Variants in ENOX1 observed in about 807,000 individuals in gnomAD.
The protein encoded by ENOX1 is candidate growth-related and time keeping constitutive hydroquinone (NADH) oxidase.
In ENOX1, 42 loss-of-function variants were observed where a neutral mutation model predicts 82.5. The observed-to-expected ratio is 0.51, with a 90% CI of 0.40 to 0.66. ENOX1 has a LOEUF of 0.66. ENOX1 is among the 30% of genes least tolerant of loss of function. The probability of loss-of-function intolerance (pLI) is 0.00; values close to 1 mark genes in which losing one functional copy is unlikely to be tolerated. For synonymous variants in ENOX1, 271 were observed against 282.2 expected (o/e 0.96, Z 0.40); for missense variants, 608 against 811.6 (o/e 0.75, Z 3.05).
At chr13:43,239,426 A>C (rs2042708335) in intron 14 of ENOX1, among the ~76,000 whole-genome samples, 1 of 152,222 alleles carries the variant, frequency 6.6e-6, no homozygotes, top group Admixed American at 6.5e-5. Context: ...GAAGTGGTAC[A>C]GTATCATTGA....
At chr13:43,370,926 T>TC (rs1206208788) in intron 5 of ENOX1, among the ~76,000 whole-genome samples, 1 of 141,942 alleles carries the variant, frequency 7.0e-6, no homozygotes, top group East Asian at 2.1e-4. Flanking sequence ...CTGCCCTTCC[T>TC]CCCTCCGCCT....
At chr13:43,376,725 T>A (rs935769370) in intron 5 of ENOX1, among the ~76,000 whole-genome samples, 1 of 152,204 alleles carries the variant, frequency 6.6e-6, no homozygotes, top group Non-Finnish European at 1.5e-5. Flanking sequence ...TCAGGTCCTA[T>A]GAAGCATCCC....
At chr13:43,435,176 C>T (rs996198353) in intron 3 of ENOX1, among the ~76,000 whole-genome samples, 7 of 151,952 alleles carry the variant, frequency 4.6e-5, no homozygotes, top group African/African-American at 1.7e-4. Context: ...TGATGGGCCA[C>T]GCAATGGAGT....
chr13:43,266,481 A>T lies in ENOX1; in HGVS notation c.1555-1027T>A, dbSNP rs184851651. ...CCATGCCAAAGAAGGGGTTTTGCCA[A>T]AGGAATGGTAACATGAAGAAATTGA... On this transcript the variant is annotated intron_variant, in intron 13 of 16. Coordinates refer to ENST00000690772, the MANE Select transcript of ENOX1 (RefSeq NM_001347969.2). Among the ~76,000 whole-genome samples the T allele has an allele frequency of 3.5e-4, 53 of 152,308 alleles. No homozygotes were observed. In the South Asian group the frequency reaches 4.4e-3, roughly 13 times the overall value.
intron 2 of ENOX1, among the ~76,000 whole-genome samples, chr13:43,548,493 T>C (rs2079060035): frequency 6.6e-6 from 1 of 152,240 alleles, no homozygotes; most frequent in Non-Finnish European, 1.5e-5. Context: ...CATTTTTAAG[T>C]AGGTTATCTT....
At chr13:43,218,389 G>A (rs541525491) in intron 16 of ENOX1, among the ~76,000 whole-genome samples, 1 of 152,188 alleles carries the variant, frequency 6.6e-6, no homozygotes, top group South Asian at 2.1e-4. Flanking sequence ...CACTTTGGGA[G>A]GCTAAGGTGA....
chr13:43,434,937 G>GTTTTTTTTTT (rs537775258), intron 3 of ENOX1, among the ~76,000 whole-genome samples: 21 of 75,890 alleles, frequency 2.8e-4, no homozygotes, highest in African/African-American at 9.1e-4. Context: ...TGTGTGTGTG[G>GTTTTTTTTTT]TTTTTTTTTT....
In ENOX1 at chr13:43,738,901, T is replaced by G. The variant is rs780571497; in HGVS notation, c.-285+47751A>C. On this transcript the variant is annotated intron_variant, in intron 1 of 16. Coordinates refer to ENST00000690772, the MANE Select transcript of ENOX1 (RefSeq NM_001347969.2). The stretch of plus-strand genomic sequence containing the variant: ...CTTCCAGTCCATTTCCTCTCTGAAC[T>G]TTTTTTCTCAATTAGCACCCAGGTC... Among the ~76,000 whole-genome samples the G allele has an allele frequency of 3.0e-4, 45 of 152,136 alleles. 1 individual carries two copies. The highest frequency in any genetic ancestry group is 3.4e-4 in the Non-Finnish European group (23 of 68,026).
chr13:43,329,227 T>G (rs1384528486), intron 9 of ENOX1, among the ~76,000 whole-genome samples: 5 of 152,162 alleles, frequency 3.3e-5, no homozygotes, highest in Non-Finnish European at 7.4e-5. Flanking sequence ...AGAGAGACCA[T>G]GTATGCTAAC....
At chr13:43,777,751 C>T (rs574403935) in intron 1 of ENOX1, among the ~76,000 whole-genome samples, 2 of 151,750 alleles carry the variant, frequency 1.3e-5, no homozygotes, top group South Asian at 4.2e-4. Flanking sequence ...GGTTTCACCA[C>T]GTTGGTCTGG....
At chr13:43,473,327 A>G (rs955559603) in intron 3 of ENOX1, among the ~76,000 whole-genome samples, 1 of 152,236 alleles carries the variant, frequency 6.6e-6, no homozygotes, top group Non-Finnish European at 1.5e-5. Context: ...AATGAAAAAT[A>G]CATTCTATTC....
chr13:43,290,463 G>C (rs2045936331), intron 12 of ENOX1, among the ~76,000 whole-genome samples: 1 of 152,160 alleles, frequency 6.6e-6, no homozygotes, highest in African/African-American at 2.4e-5. Context: ...CAGGGATGTA[G>C]TTGGAGGCCT....
rs1188486015 is a variant in ENOX1, at chr13:43,688,487, GCCATATGGTT to G, written c.-284-20953_-284-20944del. On this transcript the variant is annotated intron_variant, in intron 1 of 16. Coordinates refer to ENST00000690772, the MANE Select transcript of ENOX1 (RefSeq NM_001347969.2). ...GATAAGAAATGCTTAGCCTTTGCCA[GCCATATGGTT>G]CCTGTCACCACTACTCAACTCTGCT... is the stretch of plus-strand genomic sequence containing the variant. Among the ~76,000 whole-genome samples the G allele has an allele frequency of 4.6e-5, 7 of 152,292 alleles. No individual in the cohort carries two copies. In the East Asian group the frequency reaches 1.4e-3, roughly 29 times the overall value.
intron 3 of ENOX1, among the ~76,000 whole-genome samples, chr13:43,478,409 T>C (rs2058377877): frequency 6.6e-6 from 1 of 152,090 alleles, no homozygotes; most frequent in Admixed American, 6.6e-5. Context: ...TTTCAGGAAA[T>C]GAGAAATTCT....
intron 1 of ENOX1, among the ~76,000 whole-genome samples, chr13:43,763,494 T>C (rs183536379): frequency 6.6e-6 from 1 of 152,146 alleles, no homozygotes; most frequent in African/African-American, 2.4e-5. Flanking sequence ...CTATAGCAGA[T>C]CTTAATCTAA....
chr13:43,584,230 G>A (rs1027032058), intron 2 of ENOX1, among the ~76,000 whole-genome samples: 5 of 152,154 alleles, frequency 3.3e-5, no homozygotes, highest in Non-Finnish European at 7.3e-5. Flanking sequence ...GAAAGAAGTC[G>A]GGATGGAACT....
intron 3 of ENOX1, among the ~76,000 whole-genome samples, chr13:43,435,286 A>AT (rs1210170139): frequency 6.6e-6 from 1 of 152,162 alleles, no homozygotes; most frequent in African/African-American, 2.4e-5. Context: ...ACTGGGAAGC[A>AT]TTAAGGGGTA....
chr13:43,411,611 G>C (rs80059237), intron 5 of ENOX1, among the ~76,000 whole-genome samples: 6,019 of 152,260 alleles, frequency 0.04, 362 homozygotes, highest in African/African-American at 0.13. Flanking sequence ...TAATGTAGGT[G>C]AATGAGTTTT....
chr13:43,479,609 G>C (rs749762834), intron 3 of ENOX1, among the ~76,000 whole-genome samples: 8 of 152,220 alleles, frequency 5.3e-5, no homozygotes, highest in South Asian at 2.1e-4. Flanking sequence ...TTCTTCGAAA[G>C]AGTCTATCCA....
Sources: gnomAD v4.1 joint callset for allele counts (sites outside exome capture counted in the v4.1 genomes callset) on GRCh38, gnomAD v4.1.1 for gene constraint, MANE v1.5 for transcripts, NCBI Gene and HGNC (gene_info 2026-07-23, HGNC 2026-07-21) for gene names.